The following MOCOS variants were observed in gnomAD, a reference collection of about 807,000 sequenced individuals.
MOCOS encodes molybdenum cofactor sulfurase, also known as human molybdenum cofactor sulfurase.
Under a neutral mutation model 83.6 loss-of-function variants are expected in MOCOS, and 86 were observed. The observed-to-expected ratio is 1.03, with a 90% CI of 0.86 to 1.23. MOCOS has a LOEUF of 1.23. Among genes scored for constraint, MOCOS ranks in the 50% most tolerant of loss-of-function variants. MOCOS has a pLI of 0.00. For missense variants in MOCOS, 1,120 were observed against 1,126.9 expected (o/e 0.99, Z 0.09); for synonymous variants, 445 against 434.7 (o/e 1.02, Z -0.29).
chr18:36,196,547 G>C (rs1175298116), intron 2 of MOCOS, among the ~76,000 whole-genome samples: 1 of 152,130 alleles, frequency 6.6e-6, no homozygotes, highest in Non-Finnish European at 1.5e-5. Flanking sequence ...CCACATTAAG[G>C]GGTTTGGATT....
intron 3 of MOCOS, 112 bp downstream of exon 3, chr18:36,198,868 T>A: frequency 8.5e-7 from 1 of 1,170,352 alleles, no homozygotes; most frequent in Non-Finnish European, 1.3e-6. Context: ...AGGATCACAG[T>A]TGGCTAAAAG....
At chr18:36,240,808 G>A (rs11659208) in intron 9 of MOCOS, among the ~76,000 whole-genome samples, 15,652 of 152,194 alleles carry the variant, frequency 0.1, 913 homozygotes, top group Non-Finnish European at 0.13. Context: ...AGGACCCTCC[G>A]AGCCAGGTGC....
chr18:36,235,276 T>TC (rs2091553779), intron 9 of MOCOS, among the ~76,000 whole-genome samples: 1 of 96,514 alleles, frequency 1.0e-5, no homozygotes, highest in African/African-American at 4.1e-5. Flanking sequence ...ATGCTATCCC[T>TC]CCCCCCTCCC....
intron 9 of MOCOS, among the ~76,000 whole-genome samples, chr18:36,226,107 G>T (rs895659093): frequency 5.3e-5 from 8 of 151,852 alleles, no homozygotes; most frequent in African/African-American, 1.7e-4. Flanking sequence ...TCTTCAGTTT[G>T]CATGTTCTGT....
intron 6 of MOCOS, among the ~76,000 whole-genome samples, chr18:36,206,062 A>T (rs1469089438): frequency 1.3e-5 from 2 of 151,478 alleles, no homozygotes; most frequent in African/African-American, 4.9e-5. Flanking sequence ...TTAACAAAGA[A>T]AAAAAGGTTT....
chr18:36,267,421 A>C (rs1261880538), intron 14 of MOCOS, among the ~76,000 whole-genome samples: 1 of 152,264 alleles, frequency 6.6e-6, no homozygotes. Context: ...CAAGAAAAGC[A>C]GTCAGGCTAC....
At position 36,241,268 on chromosome 18, in the gene MOCOS, A is replaced by C. The variant is rs939360209; in HGVS notation, c.1961-7654A>C. Reference sequence around the variant, plus strand: ...CTTCCACCTAGGAGCCTGTCAAAGAAAAAACAAGTTAGTTCCTTCCAAGAT... The same window carrying C: ...CTTCCACCTAGGAGCCTGTCAAAGACAAAACAAGTTAGTTCCTTCCAAGAT... On this transcript the variant is annotated intron_variant, in intron 9 of 14. Coordinates refer to ENST00000261326, the MANE Select transcript of MOCOS (RefSeq NM_017947.4). Among the ~76,000 whole-genome samples the C allele has an allele frequency of 6.6e-4, 100 of 152,206 alleles. 1 individual carries two copies. Among genetic ancestry groups the C allele is most frequent in the Non-Finnish European group, 3.7e-4 (25 of 68,038 alleles).
chr18:36,266,758 C>G lies in MOCOS; in HGVS notation c.2419C>G (p.Pro807Ala), dbSNP rs773501603. The G allele has an allele frequency of 6.2e-7, 1 of 1,613,970 alleles. No individual in the cohort carries two copies. The highest frequency in any genetic ancestry group is 8.5e-7 in the Non-Finnish European group (1 of 1,179,988). ...CCTTCTCACCTGCCAGGTTTTGGGG[C>G]CTTGTCACAGATGCCAGATGATTTG... is the stretch of plus-strand genomic sequence containing the variant. ...IGSLRFQVLG[P>A]CHRCQMICID... Residue 807 changes from proline to alanine, a missense_variant, in exon 14 of 15, where the codon CCT becomes GCT. Physicochemically the swap from Pro to Ala is conservative, Grantham distance 27. Transcript: ENST00000261326.
chr18:36,250,783 C>T (rs996624920), intron 10 of MOCOS, among the ~76,000 whole-genome samples: 9 of 152,204 alleles, frequency 5.9e-5, no homozygotes, highest in African/African-American at 2.2e-4. Flanking sequence ...GAAGATATTT[C>T]AATCAGGCCC....
rs372614280 is a variant in MOCOS at position 36,269,544 on chromosome 18, A to C, written c.*859A>C. On this transcript the variant is annotated 3_prime_UTR_variant, in exon 15 of 15. Transcript: ENST00000261326. ...TGAAAATGTCCAGTGAGGAAATCTC[A>C]TTCTCTAATGAAGTTACCCATCCCG... The C allele has an allele frequency of 5.3e-5, 8 of 152,280 alleles. No homozygotes were observed. Among genetic ancestry groups the C allele is most frequent in the African/African-American group, 1.9e-4 (8 of 41,530 alleles). The allele number at this position is 152,280 out of a possible 1,614,324, so 9.4% of individuals were successfully genotyped here.
At chr18:36,238,780 T>C (rs1456758889) in intron 9 of MOCOS, among the ~76,000 whole-genome samples, 13 of 117,706 alleles carry the variant, frequency 1.1e-4, no homozygotes, top group African/African-American at 2.8e-4. Context: ...AGTCTCTTTG[T>C]AGGTCACTCA....
chr18:36,266,243 CTT>C lies in MOCOS; in HGVS notation c.2410-505_2410-504del, dbSNP rs756858093. On this transcript the variant is annotated intron_variant, in intron 13 of 14. Coordinates refer to ENST00000261326, the MANE Select transcript of MOCOS (RefSeq NM_017947.4). ...CTCCGCCTCCCGGGTTCAAGTGATT[CTT>C]CTTCCTCAGCCTCCTGGGTAGATGG... Among the ~76,000 whole-genome samples, 1,280 of 152,272 alleles carry C rather than the reference CTT, an allele frequency of 8.4e-3. 14 individuals are homozygous for C. The highest frequency in any genetic ancestry group is 0.013 in the Non-Finnish European group (874 of 68,020).
Position 36,221,883 on chromosome 18 carries a change from G to A in MOCOS, c.1960+1666G>A, listed in dbSNP as rs1283550739. Among the ~76,000 whole-genome samples, 6 of 152,034 alleles carry A rather than the reference G, an allele frequency of 3.9e-5. No individual in the cohort carries two copies. The East Asian group carries it at 7.7e-4, about 20-fold the overall frequency. On this transcript the variant is annotated intron_variant, in intron 9 of 14. Transcript: ENST00000261326. ...TGGGATTACAGGCATGCAGCACCAT[G>A]ACTGGCTGATTTTGTATTTTTAGTA...
chr18:36,203,269 A>G, intron 5 of MOCOS, 80 bp downstream of exon 5: 2 of 1,343,424 alleles, frequency 1.5e-6, no homozygotes, highest in Non-Finnish European at 2.1e-6. Context: ...TGATTCAGGT[A>G]AAGGAGACAG....
intron 1 of MOCOS, among the ~76,000 whole-genome samples, chr18:36,187,969 C>A (rs571129918): frequency 6.6e-6 from 1 of 152,244 alleles, no homozygotes; most frequent in African/African-American, 2.4e-5. Flanking sequence ...ATGGTTCTTG[C>A]CCTCTCTTGC....
Position 36,187,567 on chromosome 18 carries a change from C to A in MOCOS, c.28C>A (p.Arg10=), listed in dbSNP as rs745322935. The A allele has an allele frequency of 3.2e-6, 4 of 1,244,850 alleles. No individual in the cohort carries two copies. The highest frequency in any genetic ancestry group is 2.9e-4 in the Middle Eastern group (1 of 3,482). 77.1% of individuals were successfully genotyped at this position (1,244,850 alleles called of 1,614,324 possible). The part of the protein sequence containing the change: MAGAAAESG[R]ELWTFAGSRD... ...GGCCGGCGCGGCGGCGGAGTCAGGG[C>A]GGGAGCTGTGGACCTTCGCGGGTTC... The change falls in exon 1 of 15, where the codon CGG becomes AGG. Residue 10 remains arginine (R), a synonymous_variant. Transcript: ENST00000261326.
At chr18:36,252,952 C>T (rs1395505441) in intron 11 of MOCOS, among the ~76,000 whole-genome samples, 1 of 152,070 alleles carries the variant, frequency 6.6e-6, no homozygotes, top group African/African-American at 2.4e-5. Context: ...GATTTATACT[C>T]ATTTTATTGA....
intron 8 of MOCOS, 149 bp from the exon 9 acceptor site, chr18:36,219,906 G>C (rs543597637): frequency 9.8e-7 from 1 of 1,016,178 alleles, no homozygotes; most frequent in Admixed American, 2.0e-5. Context: ...TGTCCTCTCT[G>C]TTTTAGTTTC....
At chr18:36,188,912 C>T (rs1191873133) in intron 1 of MOCOS, among the ~76,000 whole-genome samples, 2 of 23,494 alleles carry the variant, frequency 8.5e-5, no homozygotes, top group Non-Finnish European at 1.6e-4. Flanking sequence ...ACCCTTCTTT[C>T]GTATTCTCTC....
Sources: allele counts gnomAD v4.1 joint callset (sites outside exome capture counted in the v4.1 genomes callset), GRCh38; gene constraint gnomAD v4.1.1; transcripts MANE v1.5; gene names NCBI Gene and HGNC (gene_info 2026-07-23, HGNC 2026-07-21).